PPP2R2B: variants seen among roughly 807,000 people sequenced by gnomAD.
PPP2R2B encodes protein phosphatase 2 regulatory subunit Bbeta.
PPP2R2B carries 5 observed loss-of-function variants against 46.0 expected under a neutral mutation model. The observed-to-expected ratio is 0.11, with a 90% CI of 0.06 to 0.23. PPP2R2B has a LOEUF of 0.23. Among genes scored for constraint, PPP2R2B ranks in the 10% least tolerant of loss-of-function variants. PPP2R2B has a pLI of 1.00. For missense variants in PPP2R2B, 367 were observed against 575.0 expected (o/e 0.64, Z 3.70); for synonymous variants, 215 against 206.7 (o/e 1.04, Z -0.34).
At chr5:146,944,510 C>A (rs913267711) in intron 1 of PPP2R2B, among the ~76,000 whole-genome samples, 6 of 152,020 alleles carry the variant, frequency 3.9e-5, no homozygotes, top group Non-Finnish European at 8.8e-5. Context: ...CAGTGGTTGA[C>A]CTGTACCAGA....
At chr5:146,931,960 A>G (rs1372687016) in intron 1 of PPP2R2B, among the ~76,000 whole-genome samples, 1 of 152,118 alleles carries the variant, frequency 6.6e-6, no homozygotes, top group Non-Finnish European at 1.5e-5. Flanking sequence ...GATTCCCCCA[A>G]CCTCCAGCAG....
At chr5:146,657,516 A>C (rs1286633935) in intron 5 of PPP2R2B, among the ~76,000 whole-genome samples, 1 of 152,166 alleles carries the variant, frequency 6.6e-6, no homozygotes, top group Non-Finnish European at 1.5e-5. Context: ...AAGCATAATC[A>C]ATTATGTTAT....
intron 2 of PPP2R2B, among the ~76,000 whole-genome samples, chr5:146,833,781 C>A (rs1035016393): frequency 3.3e-5 from 5 of 150,416 alleles, no homozygotes; most frequent in African/African-American, 9.8e-5. Flanking sequence ...GCACAGCTGA[C>A]AACTTCAAAC....
intron 1 of PPP2R2B, among the ~76,000 whole-genome samples, chr5:146,967,465 C>T (rs531172437): frequency 6.6e-6 from 1 of 152,270 alleles, no homozygotes; most frequent in East Asian, 1.9e-4. Flanking sequence ...AATGAGGACA[C>T]TGAGGGACAG....
intron 2 of PPP2R2B, among the ~76,000 whole-genome samples, chr5:146,736,126 C>T (rs1244636256): frequency 2.0e-5 from 3 of 152,112 alleles, no homozygotes; most frequent in African/African-American, 7.2e-5. Context: ...GTTTCATAAG[C>T]AGCTTTTCCC....
intron 1 of PPP2R2B, among the ~76,000 whole-genome samples, chr5:147,038,829 C>T (rs1756162127): frequency 6.6e-6 from 1 of 152,152 alleles, no homozygotes; most frequent in African/African-American, 2.4e-5. Context: ...GTGGTCTGAT[C>T]TAGGGCCAAA....
chr5:147,075,912 G>A (rs1473306987), intron 2 of PPP2R2B, among the ~76,000 whole-genome samples: 2 of 147,670 alleles, frequency 1.4e-5, no homozygotes, highest in Non-Finnish European at 3.0e-5. Context: ...ATCATGATTA[G>A]TGAATAATGT....
intron 7 of PPP2R2B, among the ~76,000 whole-genome samples, chr5:146,623,121 C>T (rs112048876): frequency 4.6e-5 from 7 of 152,284 alleles, no homozygotes; most frequent in South Asian, 4.1e-4. Flanking sequence ...AGCAACAGTA[C>T]GTTGGATTAA....
intron 9 of PPP2R2B, among the ~76,000 whole-genome samples, 172 bp from the exon 10 acceptor site, chr5:146,590,398 G>GTTTTT (rs1221281341): frequency 1.8e-5 from 2 of 113,418 alleles, no homozygotes; most frequent in African/African-American, 6.5e-5. Context: ...TTTTTTTTGT[G>GTTTTT]TTTTTTTTTT....
chr5:146,941,027 C>T (rs1434449948), intron 1 of PPP2R2B, among the ~76,000 whole-genome samples: 5 of 152,156 alleles, frequency 3.3e-5, no homozygotes, highest in Non-Finnish European at 7.3e-5. Flanking sequence ...TTTTACATTG[C>T]TGAAGACCTA....
chr5:146,862,065 T>A (rs1761039689), intron 2 of PPP2R2B, among the ~76,000 whole-genome samples: 1 of 152,206 alleles, frequency 6.6e-6, no homozygotes, highest in Admixed American at 6.5e-5. Flanking sequence ...TAATCTATTA[T>A]GATCTTAATT....
intron 1 of PPP2R2B, among the ~76,000 whole-genome samples, chr5:147,050,136 G>A (rs1426625793): frequency 4.6e-5 from 7 of 152,142 alleles, no homozygotes; most frequent in African/African-American, 1.4e-4. Flanking sequence ...TGAAAGCAGG[G>A]ATAATTCATG....
intron 5 of PPP2R2B, among the ~76,000 whole-genome samples, chr5:146,652,542 T>A (rs1406078092): frequency 6.6e-6 from 1 of 152,128 alleles, no homozygotes; most frequent in Non-Finnish European, 1.5e-5. Flanking sequence ...TGAAGAGGCT[T>A]CCCTGAGAAT....
chr5:146,711,674 G>A (rs762624317), intron 2 of PPP2R2B, among the ~76,000 whole-genome samples: 4 of 152,116 alleles, frequency 2.6e-5, no homozygotes, highest in Non-Finnish European at 5.9e-5. Flanking sequence ...TGAGATGAAA[G>A]GACTCGATTT....
At chr5:146,868,182 C>A (rs2151404921) in intron 2 of PPP2R2B, among the ~76,000 whole-genome samples, 1 of 152,362 alleles carries the variant, frequency 6.6e-6, no homozygotes, top group South Asian at 2.1e-4. Context: ...TGCTGCAAGG[C>A]AGCTCCTGCC....
intron 8 of PPP2R2B, among the ~76,000 whole-genome samples, chr5:146,598,751 C>A (rs1319287729): frequency 6.6e-6 from 1 of 152,184 alleles, no homozygotes; most frequent in Admixed American, 6.5e-5. Context: ...AATCTGGCTA[C>A]CTTCATTGCT....
intron 1 of PPP2R2B, chr5:146,917,725 G>T (rs1763443945): frequency 6.6e-6 from 1 of 152,120 alleles, no homozygotes; most frequent in Non-Finnish European, 1.5e-5. Flanking sequence ...CAATTCTTTA[G>T]TTCAATCTTA....
At chr5:146,786,064 T>C (rs527246114) in intron 2 of PPP2R2B, among the ~76,000 whole-genome samples, 3 of 152,098 alleles carry the variant, frequency 2.0e-5, no homozygotes, top group Non-Finnish European at 4.4e-5. Flanking sequence ...AATAATAAAA[T>C]CTTTGAGGTG....
intron 1 of PPP2R2B, among the ~76,000 whole-genome samples, chr5:147,024,813 A>G (rs917211744): frequency 4.6e-5 from 7 of 152,176 alleles, no homozygotes; most frequent in Non-Finnish European, 1.5e-5. Flanking sequence ...TTGCAGATAA[A>G]GGCACACTTA....
Sources: gnomAD v4.1 joint callset for allele counts (sites outside exome capture counted in the v4.1 genomes callset) on GRCh38, gnomAD v4.1.1 for gene constraint, MANE v1.5 for transcripts, NCBI Gene and HGNC (gene_info 2026-07-23, HGNC 2026-07-21) for gene names.